The following PITPNC1 variants were observed in gnomAD, a reference collection of about 807,000 sequenced individuals.
PITPNC1 encodes phosphatidylinositol transfer protein cytoplasmic 1.
A neutral mutation model predicts 44.7 loss-of-function variants in PITPNC1; 18 were observed. That is an observed-to-expected ratio of 0.40 (90% CI 0.28 to 0.60). PITPNC1 has a LOEUF of 0.60. PITPNC1 is among the 20% of genes least tolerant of loss of function. The pLI, the probability that PITPNC1 is intolerant of heterozygous loss-of-function variation, is 0.39. For missense variants in PITPNC1, 290 were observed against 418.4 expected, an observed-to-expected ratio of 0.69 and a Z score of 2.68; for synonymous variants, 141 against 149.6, an observed-to-expected ratio of 0.94 and a Z score of 0.42.
intron 2 of PITPNC1, among the ~76,000 whole-genome samples, chr17:67,535,787 G>C (rs1246121142): frequency 6.6e-6 from 1 of 152,222 alleles, no homozygotes; most frequent in South Asian, 2.1e-4. Flanking sequence ...ACTGAAACCA[G>C]AGTGGAAAGC....
intron 1 of PITPNC1, among the ~76,000 whole-genome samples, chr17:67,466,079 C>G (rs2039422820): frequency 6.6e-6 from 1 of 151,668 alleles, no homozygotes; most frequent in African/African-American, 2.4e-5. Flanking sequence ...TAGTTCACTG[C>G]AGCCTTGAAC....
At position 67,543,287 on chromosome 17, in the gene PITPNC1, T is replaced by G. The variant is rs2570040; in HGVS notation, c.198-8970T>G. 3.9e-5 allele frequency among the ~76,000 whole-genome samples: 6 copies of G among 152,292 alleles called. No homozygotes were observed. In the East Asian group the frequency reaches 1.2e-3, roughly 29 times the overall value. Reference sequence around the variant, plus strand: ...TGCCCTGAGTAGATCTGAATTGTCCTGTTTTTCTTTCCACCACTTGTTCCA... The same window carrying G: ...TGCCCTGAGTAGATCTGAATTGTCCGGTTTTTCTTTCCACCACTTGTTCCA... On this transcript the variant is annotated intron_variant, in intron 2 of 8. Coordinates refer to ENST00000581322, the MANE Select transcript of PITPNC1 (RefSeq NM_012417.4).
At chr17:67,449,411 C>A (rs1166491448) in intron 1 of PITPNC1, among the ~76,000 whole-genome samples, 1 of 152,106 alleles carries the variant, frequency 6.6e-6, no homozygotes, top group East Asian at 1.9e-4. Context: ...CTGTAGTGTT[C>A]TAATCACCTA....
chr17:67,418,784 C>G (rs918438279), intron 1 of PITPNC1, among the ~76,000 whole-genome samples: 1 of 152,174 alleles, frequency 6.6e-6, no homozygotes, highest in Non-Finnish European at 1.5e-5. Flanking sequence ...TGGTCTCGAA[C>G]TCCTGACCTC....
chr17:67,611,739 G>A (rs1250764104), intron 5 of PITPNC1: 1 of 152,192 alleles, frequency 6.6e-6, no homozygotes, highest in Admixed American at 6.5e-5. Context: ...GCCTTCCAAA[G>A]TGCTGGGATT....
intron 8 of PITPNC1, among the ~76,000 whole-genome samples, chr17:67,687,899 G>A (rs187208130): frequency 1.2e-4 from 19 of 152,232 alleles, no homozygotes; most frequent in Admixed American, 1.2e-3. Flanking sequence ...CTAATGAAGG[G>A]TAGCTAGAGA....
chr17:67,434,464 GCCC>G (rs2038903193), intron 1 of PITPNC1, among the ~76,000 whole-genome samples: 1 of 152,230 alleles, frequency 6.6e-6, no homozygotes, highest in East Asian at 1.9e-4. Flanking sequence ...CTTTCTTAGG[GCCC>G]TCTGCACAGA....
intron 1 of PITPNC1, among the ~76,000 whole-genome samples, chr17:67,520,016 T>G (rs2040305865): frequency 6.6e-6 from 1 of 152,222 alleles, no homozygotes; most frequent in Non-Finnish European, 1.5e-5. Flanking sequence ...CTCTTTGCAT[T>G]TCCTTTACCC....
Position 67,508,356 on chromosome 17 carries a change from G to A in PITPNC1, c.49-24446G>A, listed in dbSNP as rs1000702906. ...TTTCTTAATGATGTGCTAAACAAGG[G>A]GTGGGTTATTCATGCCTACTCTTTT... On this transcript the variant is annotated intron_variant, in intron 1 of 8. Coordinates refer to ENST00000581322, the MANE Select transcript of PITPNC1 (RefSeq NM_012417.4). The surrounding 1 kb of genome is among the most constrained non-coding windows in gnomAD (Gnocchi z 4.2). 1.3e-4 allele frequency among the ~76,000 whole-genome samples: 20 copies of A among 152,178 alleles called. No homozygotes were observed. The highest frequency in any genetic ancestry group is 6.5e-5 in the Admixed American group (1 of 15,278).
chr17:67,653,255 A>G (rs923193855), intron 6 of PITPNC1, among the ~76,000 whole-genome samples: 1 of 152,172 alleles, frequency 6.6e-6, no homozygotes, highest in Non-Finnish European at 1.5e-5. Context: ...TGGGTGACAC[A>G]GCAAGACTCT....
intron 1 of PITPNC1, among the ~76,000 whole-genome samples, chr17:67,509,599 T>TAAAAA (rs386386473): frequency 6.7e-6 from 1 of 149,112 alleles, no homozygotes; most frequent in Non-Finnish European, 1.5e-5. Context: ...AATAAATAAA[T>TAAAAA]AAAACGTGTT....
chr17:67,523,455 G>C (rs2040353531), intron 1 of PITPNC1, among the ~76,000 whole-genome samples: 1 of 151,536 alleles, frequency 6.6e-6, no homozygotes, highest in South Asian at 2.1e-4. Flanking sequence ...TTGGTGTACA[G>C]GTTTATTATA....
At chr17:67,590,853 T>C (rs1234725745) in intron 5 of PITPNC1, among the ~76,000 whole-genome samples, 3 of 151,702 alleles carry the variant, frequency 2.0e-5, no homozygotes, top group Non-Finnish European at 4.4e-5. Flanking sequence ...CTGGGGAGGC[T>C]GAGGCAGGAG....
At chr17:67,568,072 T>C (rs966180047) in intron 4 of PITPNC1, among the ~76,000 whole-genome samples, 2 of 152,290 alleles carry the variant, frequency 1.3e-5, no homozygotes, top group African/African-American at 4.8e-5. Flanking sequence ...GTGGCAGTAT[T>C]GTTCATAGTA....
At chr17:67,465,043 C>A (rs140623479) in intron 1 of PITPNC1, among the ~76,000 whole-genome samples, 1 of 152,228 alleles carries the variant, frequency 6.6e-6, no homozygotes, top group Non-Finnish European at 1.5e-5. Flanking sequence ...CCGGCCACAA[C>A]TCTCACTTTT....
rs1024527735 is a variant in PITPNC1, at chr17:67,676,624, G to A, written c.682+1082G>A. 1.3e-5 allele frequency among the ~76,000 whole-genome samples: 2 copies of A among 152,010 alleles called. No homozygotes were observed. The highest frequency in any genetic ancestry group is 2.9e-5 in the Non-Finnish European group (2 of 68,028). ...CCTTTTCCAAAGTCACATTAAATTT[G>A]TTCTGAGTATAACCTAGATTGCATT... On this transcript the variant is annotated intron_variant, in intron 8 of 8. Coordinates refer to ENST00000581322, the MANE Select transcript of PITPNC1 (RefSeq NM_012417.4). This position sits in a 1 kb window ranked among gnomAD's most constrained non-coding sequence, Gnocchi z 4.0.
intron 5 of PITPNC1, among the ~76,000 whole-genome samples, chr17:67,588,294 G>A (rs576551123): frequency 1.6e-3 from 237 of 152,260 alleles, no homozygotes; most frequent in Middle Eastern, 6.8e-3. Context: ...GTGAGCCACC[G>A]TGCCCAGCCG....
At position 67,694,536 on chromosome 17, in the gene PITPNC1, C is replaced by T. The variant is rs1464628088; in HGVS notation, c.*1648C>T. The T allele has an allele frequency of 6.6e-6, 1 of 152,108 alleles. No homozygotes were observed. The highest frequency in any genetic ancestry group is 2.4e-5 in the African/African-American group (1 of 41,420). The allele number at this position is 152,108 out of a possible 1,614,324, so 9.4% of individuals were successfully genotyped here. ...ACTCTCCCAAGGTGCAGGCGCTGGCCCCATGAGCCCAGCACCAAAGTTTTC... is the reference window on the plus strand; with the variant it reads ...ACTCTCCCAAGGTGCAGGCGCTGGCTCCATGAGCCCAGCACCAAAGTTTTC... On this transcript the variant is annotated 3_prime_UTR_variant, in exon 9 of 9. Coordinates refer to ENST00000581322, the MANE Select transcript of PITPNC1 (RefSeq NM_012417.4).
intron 1 of PITPNC1, among the ~76,000 whole-genome samples, chr17:67,455,344 G>A (rs1469258767): frequency 6.6e-6 from 1 of 152,058 alleles, no homozygotes; most frequent in African/African-American, 2.4e-5. Context: ...GCAATAACCT[G>A]GTACATACAT....
Sources: gnomAD v4.1 joint callset for allele counts (sites outside exome capture counted in the v4.1 genomes callset) on GRCh38, gnomAD v4.1.1 for gene constraint, Gnocchi (gnomAD v3.1) non-coding constraint, MANE v1.5 for transcripts, NCBI Gene and HGNC (gene_info 2026-07-23, HGNC 2026-07-21) for gene names.